GNAO1: variants seen among roughly 807,000 people sequenced by gnomAD.
The protein encoded by GNAO1 is G protein subunit alpha o1.
For synonymous variants in GNAO1, 164 were observed against 180.7 expected, an observed-to-expected ratio of 0.91 and a Z score of 0.74; for missense variants, 166 against 478.7, an observed-to-expected ratio of 0.35 and a Z score of 6.10.
At chr16:56,334,938 C>A in intron 5 of GNAO1, 81 bp downstream of exon 5, 2 of 1,455,374 alleles carry the variant, frequency 1.4e-6, no homozygotes, top group Non-Finnish European at 9.5e-7. Flanking sequence ...GCGTTTACAG[C>A]GCCCAAACAT....
chr16:56,332,595 G>A (rs1483751001), intron 4 of GNAO1, among the ~76,000 whole-genome samples: 4 of 152,204 alleles, frequency 2.6e-5, no homozygotes, highest in Non-Finnish European at 4.4e-5. Flanking sequence ...GGGCTGTGTC[G>A]ACTGCCCCAT....
intron 2 of GNAO1, among the ~76,000 whole-genome samples, chr16:56,273,027 G>T (rs1041398355): frequency 2.6e-5 from 4 of 152,118 alleles, no homozygotes; most frequent in African/African-American, 4.8e-5. Flanking sequence ...CTGTTTTTTA[G>T]TATTTACGCT....
At chr16:56,212,280 G>A (rs11647097) in intron 2 of GNAO1, among the ~76,000 whole-genome samples, 2 of 152,058 alleles carry the variant, frequency 1.3e-5, no homozygotes, top group Admixed American at 6.5e-5. Context: ...CCTTTGTCCC[G>A]ATGGCTCCAA....
chr16:56,192,885 A>C (rs2036193125), intron 2 of GNAO1: 1 of 489,012 alleles, frequency 2.0e-6, no homozygotes, highest in African/African-American at 1.9e-5. Flanking sequence ...CGCCATATTG[A>C]TCAGAACATC....
intron 4 of GNAO1, among the ~76,000 whole-genome samples, chr16:56,330,721 A>G (rs1324016489): frequency 6.6e-6 from 1 of 152,202 alleles, no homozygotes. Flanking sequence ...TTTGCTAGTT[A>G]CAGGATTATT....
intron 2 of GNAO1, among the ~76,000 whole-genome samples, chr16:56,262,680 TG>T: frequency 6.6e-6 from 1 of 152,298 alleles, no homozygotes; most frequent in African/African-American, 2.4e-5. Flanking sequence ...CTAAACATAA[TG>T]TACTAATAGG....
chr16:56,258,247 C>T (rs1388319601), intron 2 of GNAO1, among the ~76,000 whole-genome samples: 1 of 152,154 alleles, frequency 6.6e-6, no homozygotes, highest in Non-Finnish European at 1.5e-5. Flanking sequence ...GTTTTAGCTC[C>T]CAGCTCTGCT....
In GNAO1 at chr16:56,329,013, G is replaced by A; in HGVS notation, c.464+222G>A. On this transcript the variant is annotated intron_variant, in intron 4 of 8. Transcript: ENST00000262493. ...GCCAGAGGAGGCAGAGGACGCAAGA[G>A]ACAACCAAACAGTGGAAATTCCCAG... 5.5e-6 allele frequency: 3 copies of A among 542,796 alleles called. No individual in the cohort carries two copies. The South Asian group carries it at 6.7e-5, about 12-fold the overall frequency. The allele number at this position is 542,796 out of a possible 1,614,324, so 33.6% of individuals were successfully genotyped here.
chr16:56,349,795 G>A (rs1036684171), intron 6 of GNAO1, among the ~76,000 whole-genome samples: 12 of 152,188 alleles, frequency 7.9e-5, no homozygotes, highest in Non-Finnish European at 1.6e-4. Flanking sequence ...GGAACCAGGG[G>A]CTGGGGCTGG....
intron 6 of GNAO1, among the ~76,000 whole-genome samples, chr16:56,348,916 C>T (rs78417182): frequency 1.7e-3 from 257 of 152,344 alleles, no homozygotes; most frequent in Admixed American, 0.013. Flanking sequence ...TGCACTGCCA[C>T]TCCTGGGACC....
chr16:56,335,736 C>T (rs1020729002), intron 5 of GNAO1, among the ~76,000 whole-genome samples: 2 of 152,202 alleles, frequency 1.3e-5, no homozygotes, highest in African/African-American at 4.8e-5. Flanking sequence ...CCACTGGGAG[C>T]ACAGGATGGG....
intron 6 of GNAO1, chr16:56,339,791 A>G (rs2037782403): frequency 6.6e-6 from 1 of 152,596 alleles, no homozygotes; most frequent in African/African-American, 2.4e-5. Context: ...TGCCAAACCA[A>G]GGCCAAAACC....
rs377230836 is a variant in GNAO1, at chr16:56,237,399, GTAAC to G, written c.162-38529_162-38526del. 3.2e-4 allele frequency among the ~76,000 whole-genome samples: 48 copies of G among 152,252 alleles called. 2 individuals are homozygous for G. In the East Asian group the frequency reaches 8.7e-3, roughly 28 times the overall value. ...TGTAGGGGAGACAGACATTTAATGA[GTAAC>G]TACGGCTGTGCAGAGCAATGCCACA... On this transcript the variant is annotated intron_variant, in intron 2 of 8. Coordinates refer to ENST00000262493, the MANE Select transcript of GNAO1 (RefSeq NM_020988.3).
intron 3 of GNAO1, among the ~76,000 whole-genome samples, chr16:56,309,388 G>C (rs1419088838): frequency 2.0e-5 from 3 of 152,168 alleles, no homozygotes; most frequent in Non-Finnish European, 4.4e-5. Context: ...CATGTTGCCA[G>C]CTCTCCCACC....
rs2037948628 is a variant in GNAO1 at position 56,354,217 on chromosome 16, G to A, written c.878-649G>A. The stretch of plus-strand genomic sequence containing the variant: ...GCGGTGCCTCAATTTGCTCATCTAG[G>A]AAGCAAAAGCGTTCATCTGTGGCCA... On this transcript the variant is annotated intron_variant, in intron 7 of 8. Coordinates refer to ENST00000262493, the MANE Select transcript of GNAO1 (RefSeq NM_020988.3). The surrounding 1 kb of genome is among the most constrained non-coding windows in gnomAD (Gnocchi z 4.3). Among the ~76,000 whole-genome samples, 1 of 152,232 alleles carries A rather than the reference G, an allele frequency of 6.6e-6. No homozygotes were observed. The highest frequency in any genetic ancestry group is 1.5e-5 in the Non-Finnish European group (1 of 68,040).
intron 2 of GNAO1, among the ~76,000 whole-genome samples, chr16:56,233,770 C>T (rs1388062677): frequency 6.6e-6 from 1 of 152,224 alleles, no homozygotes; most frequent in East Asian, 1.9e-4. Context: ...TTCTAGCTGT[C>T]TGAGGCAGGC....
At chr16:56,312,929 C>T (rs1432577412) in intron 3 of GNAO1, among the ~76,000 whole-genome samples, 1 of 152,204 alleles carries the variant, frequency 6.6e-6, no homozygotes, top group Non-Finnish European at 1.5e-5. Flanking sequence ...GGTGCTTGGA[C>T]CTTCATAACA....
chr16:56,192,560 C>A lies in GNAO1; in HGVS notation c.119-14C>A. ...ACACTCACCAGTTTTTCCCCACTGT[C>A]TGTGTCCCAACAGGGGCTGGAGAAT... On this transcript the variant is annotated splice_polypyrimidine_tract_variant and intron_variant, in intron 1 of 8. Coordinates refer to ENST00000262493, the MANE Select transcript of GNAO1 (RefSeq NM_020988.3). 1 of 1,584,722 alleles carries A rather than the reference C, an allele frequency of 6.3e-7. No homozygotes were observed. Among genetic ancestry groups the A allele is most frequent in the Non-Finnish European group, 8.7e-7 (1 of 1,155,182 alleles).
intron 3 of GNAO1, among the ~76,000 whole-genome samples, chr16:56,314,533 T>C (rs1248794073): frequency 6.6e-6 from 1 of 152,244 alleles, no homozygotes; most frequent in Non-Finnish European, 1.5e-5. Flanking sequence ...TGGAGTTTTT[T>C]ATAAGTCGTA....
Sources: gnomAD v4.1 joint callset for allele counts (sites outside exome capture counted in the v4.1 genomes callset) on GRCh38, gnomAD v4.1.1 for gene constraint, Gnocchi (gnomAD v3.1) non-coding constraint, MANE v1.5 for transcripts, NCBI Gene and HGNC (gene_info 2026-07-23, HGNC 2026-07-21) for gene names.